The following IQCM variants were observed in gnomAD, a reference collection of about 807,000 sequenced individuals.
IQCM encodes IQ domain-containing protein M.
Under a neutral mutation model 57.6 loss-of-function variants are expected in IQCM, and 45 were observed. The ratio of observed to expected loss-of-function variants is 0.78; its 90% CI spans 0.62 to 1.00. The LOEUF (loss-of-function observed/expected upper bound fraction) is 1.00. Among genes scored for constraint, IQCM ranks in the 50% least tolerant of loss-of-function variants. The pLI, the probability that IQCM is intolerant of heterozygous loss-of-function variation, is 0.00. For synonymous variants in IQCM, 148 were observed against 158.9 expected (o/e 0.93, Z 0.51); for missense variants, 468 against 511.6 (o/e 0.91, Z 0.82).
At chr4:149,492,169 A>T (rs185947106) in intron 12 of IQCM, among the ~76,000 whole-genome samples, 1 of 152,190 alleles carries the variant, frequency 6.6e-6, no homozygotes, top group East Asian at 1.9e-4. Context: ...TATCAGATAC[A>T]TGGTTTGCAA....
intron 7 of IQCM, among the ~76,000 whole-genome samples, chr4:149,657,301 T>C (rs961598392): frequency 2.6e-5 from 4 of 152,302 alleles, no homozygotes; most frequent in Admixed American, 2.0e-4. Flanking sequence ...TTTCACTAAA[T>C]ATGATGTCCT....
At chr4:149,418,975 T>C (rs2111207791) in intron 13 of IQCM, among the ~76,000 whole-genome samples, 1 of 152,082 alleles carries the variant, frequency 6.6e-6, no homozygotes, top group African/African-American at 2.4e-5. Context: ...ACAAACCTGC[T>C]CAAAGAAATC....
chr4:149,353,927 C>T (rs1403292248), intron 13 of IQCM, among the ~76,000 whole-genome samples: 3 of 152,150 alleles, frequency 2.0e-5, no homozygotes, highest in East Asian at 3.9e-4. Flanking sequence ...ATTTCAGTTG[C>T]TCTTGTCGCA....
intron 13 of IQCM, among the ~76,000 whole-genome samples, chr4:149,418,357 C>G (rs1297198933): frequency 6.6e-6 from 1 of 152,014 alleles, no homozygotes; most frequent in Non-Finnish European, 1.5e-5. Context: ...GGATAAGTTC[C>G]TGGACACATA....
chr4:149,361,225 T>C (rs1370946889), intron 13 of IQCM, among the ~76,000 whole-genome samples: 1 of 152,162 alleles, frequency 6.6e-6, no homozygotes, highest in Non-Finnish European at 1.5e-5. Flanking sequence ...TTGGGTACTG[T>C]TAGAGGTATT....
intron 8 of IQCM, among the ~76,000 whole-genome samples, chr4:149,599,063 G>A (rs551820853): frequency 6.6e-6 from 1 of 152,226 alleles, no homozygotes; most frequent in African/African-American, 2.4e-5. Context: ...ATTGATGTTA[G>A]GAGTGCTTGC....
chr4:149,524,934 T>C (rs993300700), intron 12 of IQCM, among the ~76,000 whole-genome samples: 7 of 151,750 alleles, frequency 4.6e-5, no homozygotes, highest in Non-Finnish European at 8.9e-5. Context: ...CCAATAGTGG[T>C]ACCATAAAGT....
chr4:149,372,957 T>A (rs1330187334), intron 13 of IQCM, among the ~76,000 whole-genome samples: 2 of 152,164 alleles, frequency 1.3e-5, no homozygotes, highest in Non-Finnish European at 2.9e-5. Flanking sequence ...ATGCCTGAGA[T>A]GGTTTATCAC....
At chr4:149,569,612 T>G (rs1227810645) in intron 9 of IQCM, among the ~76,000 whole-genome samples, 1 of 152,156 alleles carries the variant, frequency 6.6e-6, no homozygotes, top group Non-Finnish European at 1.5e-5. Flanking sequence ...TTTCATCTTT[T>G]GAAAGAAACA....
chr4:149,576,338 G>T (rs1255184562), intron 9 of IQCM, among the ~76,000 whole-genome samples: 1 of 151,596 alleles, frequency 6.6e-6, no homozygotes, highest in Non-Finnish European at 1.5e-5. Context: ...TGTGTCTATT[G>T]TGCCCTTCCT....
At chr4:149,380,511 A>G (rs1731003918) in intron 13 of IQCM, among the ~76,000 whole-genome samples, 1 of 152,154 alleles carries the variant, frequency 6.6e-6, no homozygotes, top group Admixed American at 6.6e-5. Flanking sequence ...GGTGCTTCTA[A>G]TCTCTCTCTG....
rs574800986 is a variant in IQCM, at chr4:149,763,776, A to G, written c.-48-21037T>C. ...AAACTCAAGCTCTTAATCTTTGGGC[A>G]TGCTGCTTTTCACTATGAAATGAAT... On this transcript the variant is annotated intron_variant, in intron 2 of 13. Transcript: ENST00000636793. Among the ~76,000 whole-genome samples the G allele has an allele frequency of 3.4e-4, 51 of 152,148 alleles. 1 individual carries two copies. The South Asian group carries it at 6.2e-3, about 19-fold the overall frequency.
intron 7 of IQCM, among the ~76,000 whole-genome samples, chr4:149,669,971 G>A (rs2150175132): frequency 6.6e-6 from 1 of 152,108 alleles, no homozygotes; most frequent in Admixed American, 6.5e-5. Flanking sequence ...CTCTTTTTTG[G>A]TTGCATATGA....
At chr4:149,800,046 A>C (rs1403517047) in intron 2 of IQCM, among the ~76,000 whole-genome samples, 1 of 151,858 alleles carries the variant, frequency 6.6e-6, no homozygotes, top group African/African-American at 2.4e-5. Flanking sequence ...ATACCAAAAA[A>C]GGAAAACTAC....
intron 9 of IQCM, among the ~76,000 whole-genome samples, chr4:149,585,404 G>A (rs917029956): frequency 6.6e-6 from 1 of 151,412 alleles, no homozygotes; most frequent in African/African-American, 2.4e-5. Context: ...TGATAGAAAT[G>A]GTGCAGGATT....
chr4:149,597,473 C>G (rs1045629912), intron 8 of IQCM, among the ~76,000 whole-genome samples: 1 of 152,162 alleles, frequency 6.6e-6, no homozygotes, highest in African/African-American at 2.4e-5. Context: ...TCACTACAAC[C>G]TCCACCTCCC....
intron 13 of IQCM, among the ~76,000 whole-genome samples, chr4:149,358,181 C>A (rs545836156): frequency 6.6e-6 from 1 of 152,168 alleles, no homozygotes; most frequent in African/African-American, 2.4e-5. Context: ...TTTTGTTGAT[C>A]TTTTCAAAAA....
chr4:149,407,473 G>T (rs911265626), intron 13 of IQCM, among the ~76,000 whole-genome samples: 1 of 151,910 alleles, frequency 6.6e-6, no homozygotes, highest in African/African-American at 2.4e-5. Context: ...CCTCCCCCTG[G>T]TGCCCCACCA....
rs552498549 is a variant in IQCM, at chr4:149,791,006, TATACTC to T, written c.-49+24299_-49+24304del. 1.5e-3 allele frequency among the ~76,000 whole-genome samples: 228 copies of T among 152,260 alleles called. 3 individuals are homozygous for T. The East Asian group carries it at 0.028, about 19-fold the overall frequency. ...ACTCTAAGAAAGAAAAGAACTCTCT[TATACTC>T]ATATGTTGAGAAGCACTTACCTCAT... is the stretch of plus-strand genomic sequence containing the variant. On this transcript the variant is annotated intron_variant, in intron 2 of 13. Coordinates refer to ENST00000636793, the MANE Select transcript of IQCM (RefSeq NM_001363507.2).
Sources: gnomAD v4.1 joint callset for allele counts (sites outside exome capture counted in the v4.1 genomes callset) on GRCh38, gnomAD v4.1.1 for gene constraint, MANE v1.5 for transcripts, NCBI Gene and HGNC (gene_info 2026-07-23, HGNC 2026-07-21) for gene names.